The following SLK variants were observed in gnomAD, a reference collection of about 807,000 sequenced individuals.
SLK encodes the protein STE20 like kinase, also known as STE20-like serine/threonine-protein kinase.
A neutral mutation model predicts 147.7 loss-of-function variants in SLK; 67 were observed. The observed-to-expected ratio is 0.45, with a 90% CI of 0.37 to 0.56. SLK has a LOEUF of 0.56. Ranked by LOEUF, SLK falls within the 20% of genes least tolerant of loss-of-function variation. The pLI is 0.00. For missense variants in SLK, 1,136 were observed against 1,438.8 expected (o/e 0.79, Z 3.41); for synonymous variants, 441 against 475.0 (o/e 0.93, Z 0.93).
rs1844607759 is a variant in SLK at position 104,027,047 on chromosome 10, C to T, written c.*1327C>T. The stretch of plus-strand genomic sequence containing the variant: ...ATTTGTGAATGATGCTTGCTGCCTG[C>T]CATTTTCAACCTATTCTCTCTTAAG... On this transcript the variant is annotated 3_prime_UTR_variant, in exon 19 of 19. Coordinates refer to ENST00000369755, the MANE Select transcript of SLK (RefSeq NM_014720.4). 1 of 152,168 alleles carries T rather than the reference C, an allele frequency of 6.6e-6. No individual in the cohort carries two copies. The highest frequency in any genetic ancestry group is 1.5e-5 in the Non-Finnish European group (1 of 68,026). 9.4% of individuals were successfully genotyped at this position (152,168 alleles called of 1,614,324 possible).
chr10:104,014,557 A>G (rs987003182), intron 13 of SLK, among the ~76,000 whole-genome samples: 3 of 152,144 alleles, frequency 2.0e-5, no homozygotes, highest in Non-Finnish European at 4.4e-5. Flanking sequence ...AGAGTAAGTA[A>G]AACATTGATT....
chr10:104,025,498 T>G, intron 18 of SLK, 76 bp from the exon 19 acceptor site: 6 of 1,416,668 alleles, frequency 4.2e-6, no homozygotes, highest in Non-Finnish European at 5.8e-6. Flanking sequence ...GGACAAGTAG[T>G]TTTATCTTGG....
At chr10:103,969,837 C>A (rs912001598) in intron 1 of SLK, among the ~76,000 whole-genome samples, 2 of 152,188 alleles carry the variant, frequency 1.3e-5, no homozygotes, top group African/African-American at 4.8e-5. Context: ...AGTTTAGATT[C>A]TTTCACCCAT....
At chr10:104,020,750 C>T (rs1770792368) in intron 17 of SLK, 137 bp downstream of exon 17, 1 of 839,292 alleles carries the variant, frequency 1.2e-6, no homozygotes, top group South Asian at 1.9e-5. Context: ...GTTTTTTGTA[C>T]AGATCCAAAT....
chr10:103,999,974 A>G, intron 7 of SLK, 26 bp downstream of exon 7: 1 of 1,011,152 alleles, frequency 9.9e-7, no homozygotes, highest in South Asian at 1.7e-5. Context: ...AACAGCAAAT[A>G]ATATAATTAT....
At chr10:103,997,172 A>G (rs1011681828) in intron 4 of SLK, among the ~76,000 whole-genome samples, 2 of 152,222 alleles carry the variant, frequency 1.3e-5, no homozygotes, top group Non-Finnish European at 2.9e-5. Flanking sequence ...GTGGAATCAT[A>G]CAACATTTGT....
intron 9 of SLK, among the ~76,000 whole-genome samples, chr10:104,005,143 C>T (rs1844308213): frequency 6.6e-6 from 1 of 151,760 alleles, no homozygotes; most frequent in Non-Finnish European, 1.5e-5. Context: ...ATGAGCCCCA[C>T]AAATTCATTT....
chr10:104,002,786 A>T lies in SLK; in HGVS notation c.1608A>T (p.Lys536Asn). 1 of 1,614,138 alleles carries T rather than the reference A, an allele frequency of 6.2e-7. No individual in the cohort carries two copies. The highest frequency in any genetic ancestry group is 8.5e-7 in the Non-Finnish European group (1 of 1,180,018). Residue 536 changes from lysine (K) to asparagine (N), a missense_variant, in exon 9 of 19, where the codon AAA becomes AAT. Around this residue, in one of 6 missense-constraint regions of SLK, gnomAD observed 516 missense variants for 531.3 expected, o/e 0.97. Transcript: ENST00000369755. ...DTQEKLGEDD[K>N]TQKDVISNTS... is the part of the protein sequence containing the mutation. Reference sequence around the variant, plus strand: ...AAGAGAAATTGGGGGAAGACGACAAAACTCAAAAAGATGTGATCAGCAATA... The same window carrying T: ...AAGAGAAATTGGGGGAAGACGACAATACTCAAAAAGATGTGATCAGCAATA...
chr10:103,977,571 A>G (rs1339794125), intron 1 of SLK, among the ~76,000 whole-genome samples: 1 of 152,234 alleles, frequency 6.6e-6, no homozygotes, highest in Non-Finnish European at 1.5e-5. Context: ...TGATTGTGCC[A>G]CTGCACTCCA....
At chr10:103,990,093 A>G (rs1844072502) in intron 1 of SLK, among the ~76,000 whole-genome samples, 1 of 152,252 alleles carries the variant, frequency 6.6e-6, no homozygotes, top group East Asian at 1.9e-4. Flanking sequence ...AGGTCTATAC[A>G]TACTCTGATT....
At chr10:103,969,939 A>G (rs1291216864) in intron 1 of SLK, among the ~76,000 whole-genome samples, 1 of 152,226 alleles carries the variant, frequency 6.6e-6, no homozygotes, top group African/African-American at 2.4e-5. Context: ...GTAGGTGATT[A>G]TGGGCAGTTT....
intron 13 of SLK, among the ~76,000 whole-genome samples, chr10:104,012,757 A>C (rs1844416293): frequency 6.6e-6 from 1 of 152,194 alleles, no homozygotes; most frequent in Non-Finnish European, 1.5e-5. Flanking sequence ...AGCTTGACTC[A>C]GTGGTTCTTG....
Position 104,005,973 on chromosome 10 carries a change from C to T in SLK, c.2542C>T (p.Leu848Phe). The T allele has an allele frequency of 6.2e-6, 10 of 1,612,750 alleles. No homozygotes were observed. The highest frequency in any genetic ancestry group is 8.5e-6 in the Non-Finnish European group (10 of 1,179,610). ...QKEEQRAQQQLNSKLQQQREQ... is the reference protein window; with the variant it reads ...QKEEQRAQQQFNSKLQQQREQ... ...AGAAGAGCAAAGAGCCCAACAACAGCTCAATAGCAAACTACAGCAACAACG... is the reference window on the plus strand; with the variant it reads ...AGAAGAGCAAAGAGCCCAACAACAGTTCAATAGCAAACTACAGCAACAACG... The change falls in exon 11 of 19, where the codon CTC becomes TTC. Residue 848 changes from leucine to phenylalanine, a missense_variant. Physicochemically the swap from Leu to Phe is conservative, Grantham distance 22. This residue lies in a region of SLK where 327 missense variants were observed against 457.5 expected (regional missense o/e 0.71). Transcript: ENST00000369755.
At position 104,028,259 on chromosome 10, in the gene SLK, G is replaced by A. The variant is rs975528490; in HGVS notation, c.*2539G>A. The A allele has an allele frequency of 1.3e-5, 2 of 152,098 alleles. No homozygotes were observed. Among genetic ancestry groups the A allele is most frequent in the Admixed American group, 1.3e-4 (2 of 15,274 alleles). 9.4% of individuals were successfully genotyped at this position (152,098 alleles called of 1,614,324 possible). The stretch of plus-strand genomic sequence containing the variant: ...CCATGAAACACATACAGACTTCTCC[G>A]AACGTGCACCCTCATCAGCCACCTC... On this transcript the variant is annotated 3_prime_UTR_variant, in exon 19 of 19. Transcript: ENST00000369755.
intron 1 of SLK, among the ~76,000 whole-genome samples, chr10:103,978,352 A>C (rs1011557465): frequency 1.3e-5 from 2 of 152,168 alleles, no homozygotes; most frequent in African/African-American, 4.8e-5. Context: ...TCTGTAACAG[A>C]AGCAGTTAAT....
chr10:103,991,434 A>G (rs541683206), intron 2 of SLK, among the ~76,000 whole-genome samples: 13 of 152,248 alleles, frequency 8.5e-5, no homozygotes, highest in African/African-American at 2.9e-4. Flanking sequence ...ACATTAGTTT[A>G]ATCAAGAGGA....
Position 104,028,106 on chromosome 10 carries a change from A to G in SLK, c.*2386A>G, listed in dbSNP as rs1046341954. On this transcript the variant is annotated 3_prime_UTR_variant, in exon 19 of 19. Transcript: ENST00000369755. ...CTGAGGCCCTGTATTCAAATAGATG[A>G]TAGTGATCTATCTTTCCTGCATGAA... is the stretch of plus-strand genomic sequence containing the variant. 1.3e-5 allele frequency: 2 copies of G among 152,268 alleles called. No individual in the cohort carries two copies. The highest frequency in any genetic ancestry group is 2.9e-5 in the Non-Finnish European group (2 of 67,964). 9.4% of individuals were successfully genotyped at this position (152,268 alleles called of 1,614,324 possible).
chr10:103,975,433 A>G (rs943237196), intron 1 of SLK, among the ~76,000 whole-genome samples: 2 of 152,066 alleles, frequency 1.3e-5, no homozygotes, highest in Non-Finnish European at 2.9e-5. Flanking sequence ...CTAATTAAAC[A>G]CCAAGGCCTG....
chr10:104,012,812 A>G (rs1844416852), intron 13 of SLK, among the ~76,000 whole-genome samples: 1 of 152,232 alleles, frequency 6.6e-6, no homozygotes, highest in African/African-American at 2.4e-5. Flanking sequence ...TGCTGGCCAC[A>G]CATGTACTTT....
Sources: allele counts gnomAD v4.1 joint callset (sites outside exome capture counted in the v4.1 genomes callset), GRCh38; gene constraint gnomAD v4.1.1; regional missense constraint gnomAD v4.1.1; transcripts MANE v1.5; gene names NCBI Gene and HGNC (gene_info 2026-07-23, HGNC 2026-07-21).